Variants in SNED1 observed in about 807,000 individuals in gnomAD.
SNED1 encodes sushi, nidogen and EGF like domains 1, also known as sushi, nidogen and EGF-like domain-containing protein 1.
Under a neutral mutation model 166.7 loss-of-function variants are expected in SNED1, and 81 were observed. That is an observed-to-expected ratio of 0.49 (90% CI 0.41 to 0.58). SNED1 has a LOEUF of 0.58. Among genes scored for constraint, SNED1 ranks in the 20% least tolerant of loss-of-function variants. The pLI is 0.00. For synonymous variants in SNED1, 762 were observed against 822.0 expected (o/e 0.93, Z 1.25); for missense variants, 1,604 against 2,000.2 (o/e 0.80, Z 3.78).
chr2:241,054,579 G>T (rs1180654397), intron 16 of SNED1, among the ~76,000 whole-genome samples: 1 of 152,082 alleles, frequency 6.6e-6, no homozygotes, highest in African/African-American at 2.4e-5. Context: ...TACAAAAAAA[G>T]AAAATGGATT....
rs2061779102 is a variant in SNED1 at position 241,049,920 on chromosome 2, G to A, written c.1722G>A (p.Lys574=). 6.2e-7 allele frequency: 1 copy of A among 1,613,370 alleles called. No homozygotes were observed. Among genetic ancestry groups the A allele is most frequent in the Non-Finnish European group, 8.5e-7 (1 of 1,179,578 alleles). The change falls in exon 12 of 32, where the codon AAG becomes AAA. Residue 574 remains lysine, a synonymous_variant. Transcript: ENST00000310397. ...TCECPRGFHG[K]HCEKARPHLC... ...AGTGCCCGCGCGGGTTCCACGGCAAGCACTGCGAGAAAGGTATGGCGGGCA... is the reference window on the plus strand; with the variant it reads ...AGTGCCCGCGCGGGTTCCACGGCAAACACTGCGAGAAAGGTATGGCGGGCA...
chr2:241,072,070 G>A lies in SNED1; in HGVS notation c.3817+192G>A. 4 of 705,006 alleles carry A rather than the reference G, an allele frequency of 5.7e-6. No individual in the cohort carries two copies. The East Asian group carries it at 1.1e-4, about 19-fold the overall frequency. The allele number at this position is 705,006 out of a possible 1,614,324, so 43.7% of individuals were successfully genotyped here. A position where few individuals can be genotyped will look rare whatever the true frequency, so the allele number is the denominator to read the frequency against. On this transcript the variant is annotated intron_variant, in intron 26 of 31. Coordinates refer to ENST00000310397, the MANE Select transcript of SNED1 (RefSeq NM_001080437.3). ...CCGGCAGCATGCACCTCCATGGCAG[G>A]AGGGGCAGCTCGTGAGGGCCTCACG...
rs1415286612 is a variant in SNED1, at chr2:241,075,037, T to A, written c.3916+1673T>A. 6.6e-6 allele frequency: 1 copy of A among 152,212 alleles called. No individual in the cohort carries two copies. The highest frequency in any genetic ancestry group is 6.5e-5 in the Admixed American group (1 of 15,274). 9.4% of individuals were successfully genotyped at this position (152,212 alleles called of 1,614,324 possible). On this transcript the variant is annotated intron_variant, in intron 27 of 31. Transcript: ENST00000310397. The surrounding 1 kb of genome is among the most constrained non-coding windows in gnomAD (Gnocchi z 4.8). ...CATGTGTGATCGTTAGACCTGTGTT[T>A]TCACTCCGCATTCTCGGACTGAGGT... is the stretch of plus-strand genomic sequence containing the variant.
intron 1 of SNED1, among the ~76,000 whole-genome samples, chr2:241,019,691 C>T (rs952847470): frequency 5.3e-5 from 8 of 152,208 alleles, no homozygotes; most frequent in South Asian, 2.1e-4. Context: ...CAGCGCGGTC[C>T]GATCGGAGAG....
intron 1 of SNED1, among the ~76,000 whole-genome samples, chr2:241,002,187 A>G (rs2060096439): frequency 1.3e-5 from 2 of 152,028 alleles, no homozygotes; most frequent in South Asian, 4.2e-4. Flanking sequence ...TACCTGTGAC[A>G]CACCCCATCA....
chr2:241,022,911 T>C (rs1484039331), intron 1 of SNED1, among the ~76,000 whole-genome samples: 1 of 152,212 alleles, frequency 6.6e-6, no homozygotes, highest in Non-Finnish European at 1.5e-5. Flanking sequence ...GCTGAAATGG[T>C]AGCCTCTTTT....
rs561038149 is a variant in SNED1, at chr2:241,038,665, G to A, written c.1045+1312G>A. 5.3e-5 allele frequency among the ~76,000 whole-genome samples: 8 copies of A among 152,364 alleles called. No individual in the cohort carries two copies. The East Asian group carries it at 1.4e-3, about 26-fold the overall frequency. On this transcript the variant is annotated intron_variant, in intron 6 of 31. Transcript: ENST00000310397. ...AGAAACTCCTGCCCTGCTTGCCCAC[G>A]TGCTCTCAACGTGAGACGGGTGGGA...
chr2:241,093,114 C>G lies in SNED1; in HGVS notation c.*1478C>G, dbSNP rs950670715. ...ATTTGTCATTTTCAGAAAGAAGGAACAGGCAATTCGCGAAGTTTCACCTGT... is the reference window on the plus strand; with the variant it reads ...ATTTGTCATTTTCAGAAAGAAGGAAGAGGCAATTCGCGAAGTTTCACCTGT... On this transcript the variant is annotated 3_prime_UTR_variant, in exon 32 of 32. Coordinates refer to ENST00000310397, the MANE Select transcript of SNED1 (RefSeq NM_001080437.3). The G allele has an allele frequency of 6.6e-6, 1 of 152,588 alleles. No homozygotes were observed. Among genetic ancestry groups the G allele is most frequent in the Middle Eastern group, 3.4e-3 (1 of 294 alleles). The allele number at this position is 152,588 out of a possible 1,614,324, so 9.5% of individuals were successfully genotyped here.
chr2:241,009,688 C>T (rs202089901), intron 1 of SNED1, among the ~76,000 whole-genome samples: 10 of 152,268 alleles, frequency 6.6e-5, no homozygotes, highest in Middle Eastern at 6.8e-3. Context: ...TGTCCGGGGG[C>T]GCTGAATGCA....
At chr2:241,042,323 T>C (rs936942812) in intron 8 of SNED1, among the ~76,000 whole-genome samples, 1 of 152,162 alleles carries the variant, frequency 6.6e-6, no homozygotes, top group Non-Finnish European at 1.5e-5. Context: ...GGTGTCACTT[T>C]AGTAGTGCTG....
At chr2:241,043,144 C>T (rs1012299461) in intron 8 of SNED1, among the ~76,000 whole-genome samples, 27 of 152,196 alleles carry the variant, frequency 1.8e-4, no homozygotes, top group African/African-American at 6.0e-4. Flanking sequence ...AATACCCAAA[C>T]ATTTTCCACA....
Position 241,073,321 on chromosome 2 carries a change from C to T in SNED1, c.3873C>T (p.Ser1291=), listed in dbSNP as rs756524148. 1 of 1,574,292 alleles carries T rather than the reference C, an allele frequency of 6.4e-7. No homozygotes were observed. Among genetic ancestry groups the T allele is most frequent in the Non-Finnish European group, 8.6e-7 (1 of 1,161,140 alleles). Residue 1291 remains serine, a synonymous_variant, in exon 27 of 32, where the codon AGC becomes AGT. Coordinates refer to ENST00000310397, the MANE Select transcript of SNED1 (RefSeq NM_001080437.3). The surrounding 1 kb of genome is among the most constrained non-coding windows in gnomAD (Gnocchi z 6.6). ...ENMEEAPKRV[S]LALQLPEHGS... ...TGGAGGAAGCCCCCAAGCGGGTCAGCCTGGCCCTCCAGCTCCCTGAACACG... is the reference window on the plus strand; with the variant it reads ...TGGAGGAAGCCCCCAAGCGGGTCAGTCTGGCCCTCCAGCTCCCTGAACACG...
At chr2:241,023,710 T>TA (rs2060838791) in intron 1 of SNED1, among the ~76,000 whole-genome samples, 1 of 152,110 alleles carries the variant, frequency 6.6e-6, no homozygotes, top group African/African-American at 2.4e-5. Context: ...GCAGAGCTCT[T>TA]ATATCTTTAT....
chr2:241,008,737 G>A (rs1433182743), intron 1 of SNED1, among the ~76,000 whole-genome samples: 2 of 152,232 alleles, frequency 1.3e-5, no homozygotes, highest in African/African-American at 4.8e-5. Context: ...CTGCTCCCGT[G>A]GTGCCCGGGG....
rs1270660221 is a variant in SNED1, at chr2:241,013,905, A to G, written c.213+14855A>G. ...AGCTATTCTATGAGATACTGGTTTC[A>G]TTTCATTGGGTATATACTCAGAAGT... On this transcript the variant is annotated intron_variant, in intron 1 of 31. Coordinates refer to ENST00000310397, the MANE Select transcript of SNED1 (RefSeq NM_001080437.3). The surrounding 1 kb of genome is among the most constrained non-coding windows in gnomAD (Gnocchi z 4.6). Among the ~76,000 whole-genome samples, 2 of 152,062 alleles carry G rather than the reference A, an allele frequency of 1.3e-5. No homozygotes were observed. Among genetic ancestry groups the G allele is most frequent in the Non-Finnish European group, 2.9e-5 (2 of 68,016 alleles).
At chr2:241,025,497 A>G (rs1218275642) in intron 1 of SNED1, among the ~76,000 whole-genome samples, 2 of 152,178 alleles carry the variant, frequency 1.3e-5, no homozygotes, top group East Asian at 3.8e-4. Context: ...TCATCTTTCA[A>G]TGTATATTAT....
chr2:241,034,153 C>T (rs1317153922), intron 3 of SNED1, among the ~76,000 whole-genome samples: 1 of 152,278 alleles, frequency 6.6e-6, no homozygotes, highest in Non-Finnish European at 1.5e-5. Context: ...GTCCTCTGCT[C>T]CTTGTGCCCT....
chr2:241,088,663 ACT>A, intron 31 of SNED1: 1 of 487,824 alleles, frequency 2.0e-6, no homozygotes, highest in Non-Finnish European at 3.6e-6. Context: ...GGCAAATCCC[ACT>A]CTCTCTCAAG....
At chr2:241,088,824 G>A (rs1018918346) in intron 31 of SNED1, 4 of 222,910 alleles carry the variant, frequency 1.8e-5, no homozygotes, top group Non-Finnish European at 2.6e-5. Flanking sequence ...AATTCCGGGG[G>A]CTCCAGGAGA....
Sources: gnomAD v4.1 joint callset for allele counts (sites outside exome capture counted in the v4.1 genomes callset) on GRCh38, gnomAD v4.1.1 for gene constraint, Gnocchi (gnomAD v3.1) non-coding constraint, MANE v1.5 for transcripts, NCBI Gene and HGNC (gene_info 2026-07-23, HGNC 2026-07-21) for gene names.